Variants in SH3GL1 observed in about 807,000 individuals in gnomAD.
SH3GL1 encodes the protein endophilin-A2.
SH3GL1 carries 21 observed loss-of-function variants against 48.8 expected under a neutral mutation model. The observed-to-expected ratio is 0.43, with a 90% CI of 0.30 to 0.62. The LOEUF (loss-of-function observed/expected upper bound fraction) is 0.62. Ranked by LOEUF, SH3GL1 falls within the 20% of genes least tolerant of loss-of-function variation. SH3GL1 has a pLI of 0.11. For synonymous variants in SH3GL1, 282 were observed against 217.5 expected (o/e 1.30, Z -2.61); for missense variants, 454 against 503.0 (o/e 0.90, Z 0.93).
rs141247296 is a variant in SH3GL1 at position 4,391,187 on chromosome 19, G to A, written c.45+9137C>T. ...CCAGCTCAGACCTCAGGTGCACTGC[G>A]CACGTGACAGCGGCCACCCCTGGGT... On this transcript the variant is annotated intron_variant, in intron 1 of 9. Coordinates refer to ENST00000269886, the MANE Select transcript of SH3GL1 (RefSeq NM_003025.4). Among the ~76,000 whole-genome samples, 13 of 152,248 alleles carry A rather than the reference G, an allele frequency of 8.5e-5. No homozygotes were observed. In the East Asian group the frequency reaches 1.9e-3, roughly 23 times the overall value.
In SH3GL1 at chr19:4,367,006, AAG is replaced by A. The variant is rs1972796581; in HGVS notation, c.46-14_46-13del. On this transcript the variant is annotated splice_polypyrimidine_tract_variant and intron_variant, in intron 1 of 9. Coordinates refer to ENST00000269886, the MANE Select transcript of SH3GL1 (RefSeq NM_003025.4). The surrounding 1 kb of genome is among the most constrained non-coding windows in gnomAD (Gnocchi z 4.2). ...TTCTCACTGACCAGCTAGAGGACAGAAGAGGGGAAACGCTGTGAGCCCAGGGG... is the reference window on the plus strand; with the variant it reads ...TTCTCACTGACCAGCTAGAGGACAGAAGGGGAAACGCTGTGAGCCCAGGGG... 1 of 1,613,616 alleles carries A rather than the reference AAG, an allele frequency of 6.2e-7. No homozygotes were observed. Among genetic ancestry groups the A allele is most frequent in the Non-Finnish European group, 8.5e-7 (1 of 1,179,590 alleles).
At chr19:4,378,594 A>C (rs772745950) in intron 1 of SH3GL1, among the ~76,000 whole-genome samples, 4 of 152,172 alleles carry the variant, frequency 2.6e-5, no homozygotes, top group Admixed American at 6.5e-5. Flanking sequence ...GCATGCCTGT[A>C]ATCCCAGCTA....
intron 1 of SH3GL1, among the ~76,000 whole-genome samples, chr19:4,398,679 G>A (rs1213250385): frequency 3.3e-5 from 5 of 152,128 alleles, no homozygotes; most frequent in African/African-American, 1.2e-4. Flanking sequence ...GGCCAAATTT[G>A]AGGCTTCTTG....
intron 7 of SH3GL1, 72 bp downstream of exon 7, chr19:4,363,298 G>A (rs1024406640): frequency 8.7e-7 from 1 of 1,146,048 alleles, no homozygotes; most frequent in Middle Eastern, 2.6e-4. Flanking sequence ...ACAGCGAGGT[G>A]TGCTGCCCAC....
intron 1 of SH3GL1, among the ~76,000 whole-genome samples, chr19:4,379,463 G>A (rs1043899027): frequency 1.3e-5 from 2 of 151,680 alleles, no homozygotes; most frequent in African/African-American, 4.9e-5. Context: ...AGGACCAAGA[G>A]AGAAAATGAC....
intron 1 of SH3GL1, among the ~76,000 whole-genome samples, chr19:4,396,229 T>A (rs1435765969): frequency 6.6e-6 from 1 of 151,978 alleles, no homozygotes; most frequent in South Asian, 2.1e-4. Flanking sequence ...AAACCCCGTC[T>A]CTACTAAAAA....
At chr19:4,362,257 G>A (rs376859328) in intron 9 of SH3GL1, 72 bp downstream of exon 9, 191 of 1,443,892 alleles carry the variant, frequency 1.3e-4, no homozygotes, top group South Asian at 1.6e-4. Flanking sequence ...AGAACAGGGC[G>A]GGAGGAGAAA....
In SH3GL1 at chr19:4,363,872, G is replaced by A. The variant is rs756926556; in HGVS notation, c.472C>T (p.Leu158=). Residue 158 remains leucine, a synonymous_variant, in exon 6 of 10, where the codon CTG becomes TTG. Coordinates refer to ENST00000269886, the MANE Select transcript of SH3GL1 (RefSeq NM_003025.4). ...AGGCGGCGGCCCTCCAGTTTCTTCA[G>A]GTGGTGCTGGAGACGTGGGGGACAT... ...EKDLKEIQHH[L]KKLEGRRLDF... 3 of 1,612,192 alleles carry A rather than the reference G, an allele frequency of 1.9e-6. No homozygotes were observed. The highest frequency in any genetic ancestry group is 1.7e-5 in the Admixed American group (1 of 60,010).
rs762802160 is a variant in SH3GL1, at chr19:4,360,735, C to T, written c.*865G>A. On this transcript the variant is annotated 3_prime_UTR_variant, in exon 10 of 10. Coordinates refer to ENST00000269886, the MANE Select transcript of SH3GL1 (RefSeq NM_003025.4). Reference sequence around the variant, plus strand: ...CCTGGCCACCAGGGGCTGGGACATGCGCTCACTGGAACCTTTGTGCTTGGC... The same window carrying T: ...CCTGGCCACCAGGGGCTGGGACATGTGCTCACTGGAACCTTTGTGCTTGGC... 10 of 233,466 alleles carry T rather than the reference C, an allele frequency of 4.3e-5. No individual in the cohort carries two copies. Among genetic ancestry groups the T allele is most frequent in the South Asian group, 1.8e-4 (1 of 5,580 alleles). 14.5% of individuals were successfully genotyped at this position (233,466 alleles called of 1,614,324 possible).
intron 4 of SH3GL1, among the ~76,000 whole-genome samples, chr19:4,364,916 A>ATT (rs35880496): frequency 0.015 from 1,772 of 116,152 alleles, 35 homozygotes; most frequent in African/African-American, 0.034. Flanking sequence ...ATATATATAT[A>ATT]TTTTTTTTTT....
chr19:4,363,325 C>T (rs150914646), intron 7 of SH3GL1, 45 bp downstream of exon 7: 66 of 1,449,978 alleles, frequency 4.6e-5, no homozygotes, highest in Non-Finnish European at 5.9e-5. Flanking sequence ...TGGCAGAGGG[C>T]GCATGGCAGC....
At chr19:4,374,104 A>C (rs1972958587) in intron 1 of SH3GL1, among the ~76,000 whole-genome samples, 1 of 152,154 alleles carries the variant, frequency 6.6e-6, no homozygotes, top group South Asian at 2.1e-4. Context: ...AGCACATGAA[A>C]ATGAGGGGGA....
rs772461208 is a variant in SH3GL1, at chr19:4,367,916, C to T, written c.46-922G>A. The stretch of plus-strand genomic sequence containing the variant: ...GAGGATGGACAGTGTGAGGCCCTTC[C>T]CAGCACACAGCGCTTCATGAAGAGC... On this transcript the variant is annotated intron_variant, in intron 1 of 9. Coordinates refer to ENST00000269886, the MANE Select transcript of SH3GL1 (RefSeq NM_003025.4). The surrounding 1 kb of genome is among the most constrained non-coding windows in gnomAD (Gnocchi z 4.2). 5.9e-5 allele frequency among the ~76,000 whole-genome samples: 9 copies of T among 152,104 alleles called. No individual in the cohort carries two copies. Among genetic ancestry groups the T allele is most frequent in the Non-Finnish European group, 1.0e-4 (7 of 68,010 alleles).
At chr19:4,397,760 A>T (rs1973450926) in intron 1 of SH3GL1, among the ~76,000 whole-genome samples, 1 of 152,184 alleles carries the variant, frequency 6.6e-6, no homozygotes, top group Non-Finnish European at 1.5e-5. Context: ...GTCTGGATTA[A>T]ATCTTTCTCC....
intron 1 of SH3GL1, among the ~76,000 whole-genome samples, chr19:4,388,608 C>G (rs1344469778): frequency 6.6e-6 from 1 of 152,226 alleles, no homozygotes; most frequent in Non-Finnish European, 1.5e-5. Flanking sequence ...TCCTAAGAAT[C>G]TTGGCAAACA....
chr19:4,392,413 A>G (rs1366963216), intron 1 of SH3GL1, among the ~76,000 whole-genome samples: 1 of 151,968 alleles, frequency 6.6e-6, no homozygotes, highest in Admixed American at 6.6e-5. Flanking sequence ...ATTCCCAGCT[A>G]CTCAGGAGGC....
intron 1 of SH3GL1, chr19:4,390,680 A>G (rs1859371454): frequency 1.3e-5 from 2 of 152,164 alleles, no homozygotes; most frequent in African/African-American, 2.4e-5. Flanking sequence ...AAAAGCCATT[A>G]GAGTTGGAGA....
chr19:4,380,613 G>A (rs1426511193), intron 1 of SH3GL1, among the ~76,000 whole-genome samples: 9 of 152,118 alleles, frequency 5.9e-5, no homozygotes, highest in South Asian at 2.1e-4. Context: ...TGGAAAAAAC[G>A]TGCGTCAAAC....
intron 4 of SH3GL1, among the ~76,000 whole-genome samples, chr19:4,364,938 C>T (rs1370162578): frequency 1.6e-5 from 2 of 125,074 alleles, no homozygotes; most frequent in African/African-American, 3.3e-5. Context: ...TTAGTAGAAG[C>T]GGGGTGGGGT....
Sources: gnomAD v4.1 joint callset for allele counts (sites outside exome capture counted in the v4.1 genomes callset) on GRCh38, gnomAD v4.1.1 for gene constraint, Gnocchi (gnomAD v3.1) non-coding constraint, MANE v1.5 for transcripts, NCBI Gene and HGNC (gene_info 2026-07-23, HGNC 2026-07-21) for gene names.